The following JAKMIP1 variants were observed in gnomAD, a reference collection of about 807,000 sequenced individuals.
The protein encoded by JAKMIP1 is janus kinase and microtubule-interacting protein 1.
A neutral mutation model predicts 113.0 loss-of-function variants in JAKMIP1; 33 were observed. The ratio of observed to expected loss-of-function variants is 0.29; its 90% CI spans 0.22 to 0.39. The LOEUF (loss-of-function observed/expected upper bound fraction) is 0.39, where lower values mean the gene tolerates loss of function less well. Among genes scored for constraint, JAKMIP1 ranks in the 10% least tolerant of loss-of-function variants. The probability of loss-of-function intolerance (pLI) is 1.00; values close to 1 mark genes in which losing one functional copy is unlikely to be tolerated. For missense variants in JAKMIP1, 813 were observed against 1,080.5 expected (o/e 0.75, Z 3.47); for synonymous variants, 480 against 459.9 (o/e 1.04, Z -0.56).
chr4:6,074,989 C>T (rs1485354232), intron 8 of JAKMIP1, among the ~76,000 whole-genome samples: 3 of 152,128 alleles, frequency 2.0e-5, no homozygotes, highest in African/African-American at 7.2e-5. Context: ...ATGACAAAGT[C>T]GCCTAATGAC....
Position 6,040,064 on chromosome 4 carries a change from C to A in JAKMIP1, c.2175+575G>T, listed in dbSNP as rs1274921571. Among the ~76,000 whole-genome samples the A allele has an allele frequency of 6.6e-6, 1 of 152,228 alleles. No individual in the cohort carries two copies. The highest frequency in any genetic ancestry group is 2.4e-5 in the African/African-American group (1 of 41,458). Reference sequence around the variant, plus strand: ...TATGATCTTACTCAACTCCCCTCCACCCCGAAGGAGAATTTCTCTCGTGCC... The same window carrying A: ...TATGATCTTACTCAACTCCCCTCCAACCCGAAGGAGAATTTCTCTCGTGCC... On this transcript the variant is annotated intron_variant, in intron 18 of 20. Coordinates refer to ENST00000409021, the MANE Select transcript of JAKMIP1 (RefSeq NM_001099433.2). The surrounding 1 kb of genome is among the most constrained non-coding windows in gnomAD (Gnocchi z 5.8).
rs1719284237 is a variant in JAKMIP1, at chr4:6,136,580, A to C, written c.-147-23583T>G. On this transcript the variant is annotated intron_variant, in intron 1 of 20. Transcript: ENST00000409021. The surrounding 1 kb of genome is among the most constrained non-coding windows in gnomAD (Gnocchi z 5.9). ...ACTAAGTTCCTGTCCACGGTCACAC[A>C]ACCAAGGATGGCTCGTGTCACCTGC... Among the ~76,000 whole-genome samples, 1 of 152,234 alleles carries C rather than the reference A, an allele frequency of 6.6e-6. No individual in the cohort carries two copies. The highest frequency in any genetic ancestry group is 1.5e-5 in the Non-Finnish European group (1 of 68,012).
rs2108874309 is a variant in JAKMIP1 at position 6,105,475 on chromosome 4, G to C, written c.622C>G (p.Leu208Val). The C allele has an allele frequency of 6.3e-7, 1 of 1,597,602 alleles. No homozygotes were observed. Among genetic ancestry groups the C allele is most frequent in the Non-Finnish European group, 8.5e-7 (1 of 1,173,352 alleles). Reference protein sequence around the residue: ...KRECERDIRRLMDEIKGKDRV... With the variant: ...KRECERDIRRVMDEIKGKDRV... ...GCGGGGGAGGGGGCGGCACGTACCAGCCTGCGGATGTCGCGCTCGCACTCG... is the reference window on the plus strand; with the variant it reads ...GCGGGGGAGGGGGCGGCACGTACCACCCTGCGGATGTCGCGCTCGCACTCG... The change falls in exon 3 of 21, where the codon CTG becomes GTG. Residue 208 changes from leucine to valine, a missense_variant and splice_region_variant. Leu to Val is a conservative substitution (Grantham distance 32). Coordinates refer to ENST00000409021, the MANE Select transcript of JAKMIP1 (RefSeq NM_001099433.2).
At position 6,059,291 on chromosome 4, in the gene JAKMIP1, G is replaced by A. The variant is rs957543499; in HGVS notation, c.1644+1133C>T. Among the ~76,000 whole-genome samples, 1 of 152,188 alleles carries A rather than the reference G, an allele frequency of 6.6e-6. No individual in the cohort carries two copies. Among genetic ancestry groups the A allele is most frequent in the African/African-American group, 2.4e-5 (1 of 41,456 alleles). ...CTGGTCGCTGGCCGTCCGCCTCCATGGGAACCTCAGTCTCAACCCCGAGCC... is the reference window on the plus strand; with the variant it reads ...CTGGTCGCTGGCCGTCCGCCTCCATAGGAACCTCAGTCTCAACCCCGAGCC... On this transcript the variant is annotated intron_variant, in intron 11 of 20. Transcript: ENST00000409021. This position sits in a 1 kb window ranked among gnomAD's most constrained non-coding sequence, Gnocchi z 4.8.
chr4:6,129,680 A>G lies in JAKMIP1; in HGVS notation c.-147-16683T>C, dbSNP rs1163960478. ...TCAATATTTCCCTACACAGATCAGG[A>G]GGAAGCCATCCCTCTGCATTGTAAA... is the stretch of plus-strand genomic sequence containing the variant. On this transcript the variant is annotated intron_variant, in intron 1 of 20. Coordinates refer to ENST00000409021, the MANE Select transcript of JAKMIP1 (RefSeq NM_001099433.2). This position sits in a 1 kb window ranked among gnomAD's most constrained non-coding sequence, Gnocchi z 5.4. Among the ~76,000 whole-genome samples, 1 of 152,144 alleles carries G rather than the reference A, an allele frequency of 6.6e-6. No homozygotes were observed. Among genetic ancestry groups the G allele is most frequent in the Non-Finnish European group, 1.5e-5 (1 of 68,006 alleles).
chr4:6,064,163 A>G lies in JAKMIP1; in HGVS notation c.1431+717T>C, dbSNP rs187963912. Among the ~76,000 whole-genome samples, 130 of 152,370 alleles carry G rather than the reference A, an allele frequency of 8.5e-4. No homozygotes were observed. The highest frequency in any genetic ancestry group is 1.4e-3 in the Non-Finnish European group (98 of 68,040). ...CAAGGGGAAGGTCTGCGCTGAATGAAGTCTGCTGTTTAGGAAATTAATCAA... is the reference window on the plus strand; with the variant it reads ...CAAGGGGAAGGTCTGCGCTGAATGAGGTCTGCTGTTTAGGAAATTAATCAA... On this transcript the variant is annotated intron_variant, in intron 9 of 20. Coordinates refer to ENST00000409021, the MANE Select transcript of JAKMIP1 (RefSeq NM_001099433.2). This position sits in a 1 kb window ranked among gnomAD's most constrained non-coding sequence, Gnocchi z 4.3.
At position 6,194,317 on chromosome 4, in the gene JAKMIP1, A is replaced by C. The variant is rs1414534393; in HGVS notation, c.-148+5936T>G. Among the ~76,000 whole-genome samples the C allele has an allele frequency of 6.6e-6, 1 of 152,080 alleles. No homozygotes were observed. The highest frequency in any genetic ancestry group is 1.5e-5 in the Non-Finnish European group (1 of 68,030). On this transcript the variant is annotated intron_variant, in intron 1 of 20. Coordinates refer to ENST00000409021, the MANE Select transcript of JAKMIP1 (RefSeq NM_001099433.2). This position sits in a 1 kb window ranked among gnomAD's most constrained non-coding sequence, Gnocchi z 7.4. ...ATTTCACCTCAATTTTTTTAAGAAA[A>C]AGAAGGGGAAAAAGAATTGCTTCAA... is the stretch of plus-strand genomic sequence containing the variant.
chr4:6,061,366 C>T lies in JAKMIP1; in HGVS notation c.1561-859G>A, dbSNP rs377426354. Among the ~76,000 whole-genome samples, 29 of 152,296 alleles carry T rather than the reference C, an allele frequency of 1.9e-4. No individual in the cohort carries two copies. The highest frequency in any genetic ancestry group is 3.4e-3 in the Middle Eastern group (1 of 294). ...CCTCACTCCCCCTTACTCCTGGCTCCCCGCTACAGGGCCACTGCTGCCCCT... is the reference window on the plus strand; with the variant it reads ...CCTCACTCCCCCTTACTCCTGGCTCTCCGCTACAGGGCCACTGCTGCCCCT... On this transcript the variant is annotated intron_variant, in intron 10 of 20. Transcript: ENST00000409021. The surrounding 1 kb of genome is among the most constrained non-coding windows in gnomAD (Gnocchi z 5.3).
rs1464906803 is a variant in JAKMIP1 at position 6,136,513 on chromosome 4, G to A, written c.-147-23516C>T. Among the ~76,000 whole-genome samples the A allele has an allele frequency of 2.0e-5, 3 of 152,202 alleles. No homozygotes were observed. The highest frequency in any genetic ancestry group is 6.5e-5 in the Admixed American group (1 of 15,284). On this transcript the variant is annotated intron_variant, in intron 1 of 20. Transcript: ENST00000409021. This position sits in a 1 kb window ranked among gnomAD's most constrained non-coding sequence, Gnocchi z 5.9. ...CTCAAGGTCCCAAGAGGGAGGCCTC[G>A]CTTCCCATATTTTGTATCTGAGACA...
In JAKMIP1 at chr4:6,049,376, C is replaced by A. The variant is rs376451961; in HGVS notation, c.1962+443G>T. Among the ~76,000 whole-genome samples, 3 of 152,210 alleles carry A rather than the reference C, an allele frequency of 2.0e-5. No individual in the cohort carries two copies. Among genetic ancestry groups the A allele is most frequent in the Admixed American group, 6.5e-5 (1 of 15,284 alleles). On this transcript the variant is annotated intron_variant, in intron 15 of 20. Coordinates refer to ENST00000409021, the MANE Select transcript of JAKMIP1 (RefSeq NM_001099433.2). The surrounding 1 kb of genome is among the most constrained non-coding windows in gnomAD (Gnocchi z 7.0). ...TCCTAGCTTCTCTCTGAGCTGCACC[C>A]GAGGGTCAGCTCCCTCTCGCTAATG...
rs539450076 is a variant in JAKMIP1, at chr4:6,040,102, C to A, written c.2175+537G>T. 3.9e-5 allele frequency among the ~76,000 whole-genome samples: 6 copies of A among 152,310 alleles called. No homozygotes were observed. The East Asian group carries it at 7.7e-4, about 20-fold the overall frequency. On this transcript the variant is annotated intron_variant, in intron 18 of 20. Transcript: ENST00000409021. This position sits in a 1 kb window ranked among gnomAD's most constrained non-coding sequence, Gnocchi z 5.8. ...TTTCTCTCGTGCCAGGAGCACTTAG[C>A]TTTGAGTGTGAGGACACAGGAGTTT...
chr4:6,081,497 G>T lies in JAKMIP1; in HGVS notation c.1101+112C>A. 8.6e-7 allele frequency: 1 copy of T among 1,159,178 alleles called. No homozygotes were observed. The highest frequency in any genetic ancestry group is 1.2e-6 in the Non-Finnish European group (1 of 800,070). The allele number at this position is 1,159,178 out of a possible 1,614,324, so 71.8% of individuals were successfully genotyped here. ...TGACACTGTGCCTGGTGCTTTGTGG[G>T]GAGGTGGGCAGCAGGTGCGCCCCAG... On this transcript the variant is annotated intron_variant, in intron 6 of 20. Coordinates refer to ENST00000409021, the MANE Select transcript of JAKMIP1 (RefSeq NM_001099433.2). This position sits in a 1 kb window ranked among gnomAD's most constrained non-coding sequence, Gnocchi z 4.6.
chr4:6,190,938 G>T lies in JAKMIP1; in HGVS notation c.-148+9315C>A, dbSNP rs569482101. The stretch of plus-strand genomic sequence containing the variant: ...GTTGCATCAAACAAGAGCACAGGCG[G>T]CCTGCACCACATCCTGAGAGTCAAC... On this transcript the variant is annotated intron_variant, in intron 1 of 20. Coordinates refer to ENST00000409021, the MANE Select transcript of JAKMIP1 (RefSeq NM_001099433.2). 5.5e-4 allele frequency among the ~76,000 whole-genome samples: 83 copies of T among 152,220 alleles called. 2 individuals are homozygous for T. Among genetic ancestry groups the T allele is most frequent in the Admixed American group, 2.6e-4 (4 of 15,286 alleles).
At chr4:6,099,199 T>C (rs942232200) in intron 3 of JAKMIP1, among the ~76,000 whole-genome samples, 2 of 152,254 alleles carry the variant, frequency 1.3e-5, no homozygotes, top group Admixed American at 6.5e-5. Context: ...GTTTAGTCCA[T>C]TTACATTTAA....
At position 6,179,732 on chromosome 4, in the gene JAKMIP1, A is replaced by T. The variant is rs1039792520; in HGVS notation, c.-148+20521T>A. Among the ~76,000 whole-genome samples, 1 of 152,214 alleles carries T rather than the reference A, an allele frequency of 6.6e-6. No homozygotes were observed. Among genetic ancestry groups the T allele is most frequent in the African/African-American group, 2.4e-5 (1 of 41,442 alleles). ...CAAGAGCTGCCACTCAAAAGAAGAG[A>T]CTATTCTATGCCAGGTAGTATGCTG... On this transcript the variant is annotated intron_variant, in intron 1 of 20. Transcript: ENST00000409021. The surrounding 1 kb of genome is among the most constrained non-coding windows in gnomAD (Gnocchi z 4.5).
intron 1 of JAKMIP1, among the ~76,000 whole-genome samples, chr4:6,195,784 C>T (rs762203266): frequency 4.6e-5 from 7 of 152,250 alleles, no homozygotes; most frequent in Non-Finnish European, 8.8e-5. Flanking sequence ...AGGCAAACTC[C>T]TCCTGGAAAA....
At chr4:6,039,051 G>T (rs1001700413) in intron 18 of JAKMIP1, among the ~76,000 whole-genome samples, 1 of 152,200 alleles carries the variant, frequency 6.6e-6, no homozygotes, top group African/African-American at 2.4e-5. Flanking sequence ...CAGAACTCCT[G>T]TCTACCCATG....
Position 6,063,721 on chromosome 4 carries a change from C to T in JAKMIP1, c.1431+1159G>A, listed in dbSNP as rs780941521. On this transcript the variant is annotated intron_variant, in intron 9 of 20. Transcript: ENST00000409021. ...GCCACATTTTCCTATGGCAAATAGACCCATGGGAGGAAACCAGCCTAGAAG... is the reference window on the plus strand; with the variant it reads ...GCCACATTTTCCTATGGCAAATAGATCCATGGGAGGAAACCAGCCTAGAAG... Among the ~76,000 whole-genome samples the T allele has an allele frequency of 7.2e-4, 110 of 152,314 alleles. No individual in the cohort carries two copies. The Middle Eastern group carries it at 0.014, about 19-fold the overall frequency.
intron 3 of JAKMIP1, among the ~76,000 whole-genome samples, chr4:6,092,159 C>T (rs1232204895): frequency 1.3e-5 from 2 of 152,130 alleles, no homozygotes; most frequent in African/African-American, 2.4e-5. Flanking sequence ...CACTGGGTGT[C>T]CCGCCCCCTC....
Sources: allele counts gnomAD v4.1 joint callset (sites outside exome capture counted in the v4.1 genomes callset), GRCh38; gene constraint gnomAD v4.1.1; non-coding constraint Gnocchi (gnomAD v3.1); transcripts MANE v1.5; gene names NCBI Gene and HGNC (gene_info 2026-07-23, HGNC 2026-07-21).